PPP3CA: variants seen among roughly 807,000 people sequenced by gnomAD.
PPP3CA encodes CAM-PRP catalytic subunit.
A neutral mutation model predicts 66.5 loss-of-function variants in PPP3CA; 14 were observed. That is an observed-to-expected ratio of 0.21 (90% CI 0.14 to 0.33). PPP3CA has a LOEUF of 0.33. Among genes scored for constraint, PPP3CA ranks in the 10% least tolerant of loss-of-function variants. The pLI, the probability that PPP3CA is intolerant of heterozygous loss-of-function variation, is 1.00. For missense variants in PPP3CA, 317 were observed against 639.5 expected, an observed-to-expected ratio of 0.50 and a Z score of 5.44; for synonymous variants, 232 against 226.2, an observed-to-expected ratio of 1.03 and a Z score of -0.23.
intron 1 of PPP3CA, among the ~76,000 whole-genome samples, chr4:101,275,516 C>T (rs1428022527): frequency 6.6e-6 from 1 of 152,136 alleles, no homozygotes; most frequent in African/African-American, 2.4e-5. Flanking sequence ...ATACTACTAC[C>T]GAGCAGAAAT....
intron 7 of PPP3CA, among the ~76,000 whole-genome samples, chr4:101,081,070 A>T (rs1226322979): frequency 6.6e-6 from 1 of 152,154 alleles, no homozygotes; most frequent in African/African-American, 2.4e-5. Flanking sequence ...CAATTATCTG[A>T]TAAATCCACA....
chr4:101,292,060 C>T (rs1341681539), intron 1 of PPP3CA, among the ~76,000 whole-genome samples: 4 of 146,200 alleles, frequency 2.7e-5, no homozygotes, highest in Non-Finnish European at 4.5e-5. Context: ...CCGGGGAGTT[C>T]GAGGCTGCAC....
chr4:101,268,715 A>C (rs1211316977), intron 1 of PPP3CA, among the ~76,000 whole-genome samples: 1 of 152,112 alleles, frequency 6.6e-6, no homozygotes, highest in Non-Finnish European at 1.5e-5. Flanking sequence ...CATTAGGCTT[A>C]ATGTATTAGT....
rs79104164 is a variant in PPP3CA at position 101,237,745 on chromosome 4, G to A, written c.59-41629C>T. Among the ~76,000 whole-genome samples the A allele has an allele frequency of 1.2e-3, 181 of 152,178 alleles. 1 individual carries two copies. Among genetic ancestry groups the A allele is most frequent in the African/African-American group, 4.3e-3 (178 of 41,536 alleles). Reference sequence around the variant, plus strand: ...CCCAGCAAAGTCTGATACTTGGGGGGCAACTGCAGCAGATGCTGTGGGGCA... The same window carrying A: ...CCCAGCAAAGTCTGATACTTGGGGGACAACTGCAGCAGATGCTGTGGGGCA... On this transcript the variant is annotated intron_variant, in intron 1 of 13. Coordinates refer to ENST00000394854, the MANE Select transcript of PPP3CA (RefSeq NM_000944.5).
chr4:101,294,153 G>A (rs1236424007), intron 1 of PPP3CA, among the ~76,000 whole-genome samples: 1 of 152,230 alleles, frequency 6.6e-6, no homozygotes, highest in African/African-American at 2.4e-5. Context: ...GTGGAATGGA[G>A]ATGGTGGCTG....
chr4:101,184,499 A>G (rs1724344701), intron 2 of PPP3CA, among the ~76,000 whole-genome samples: 1 of 152,228 alleles, frequency 6.6e-6, no homozygotes. Context: ...TAAAAGACTT[A>G]GTAAAAAAAA....
At chr4:101,323,799 C>G (rs975645882) in intron 1 of PPP3CA, among the ~76,000 whole-genome samples, 1 of 152,080 alleles carries the variant, frequency 6.6e-6, no homozygotes, top group Non-Finnish European at 1.5e-5. Context: ...GCTGCTATTA[C>G]CGTGTTTTAA....
chr4:101,094,655 T>A (rs1270575180), intron 5 of PPP3CA, among the ~76,000 whole-genome samples: 2 of 152,186 alleles, frequency 1.3e-5, no homozygotes, highest in Non-Finnish European at 2.9e-5. Context: ...TAATTTTACC[T>A]GAAGCCTTCA....
intron 1 of PPP3CA, among the ~76,000 whole-genome samples, chr4:101,207,065 T>G (rs549955741): frequency 1.7e-4 from 26 of 152,232 alleles, no homozygotes; most frequent in Non-Finnish European, 3.5e-4. Context: ...ATTGCAAACA[T>G]TTTGAAAAAC....
chr4:101,289,831 C>T (rs1727962084), intron 1 of PPP3CA, among the ~76,000 whole-genome samples: 1 of 150,810 alleles, frequency 6.6e-6, no homozygotes, highest in South Asian at 2.1e-4. Context: ...GTTATATATT[C>T]AATTTAACAA....
intron 1 of PPP3CA, among the ~76,000 whole-genome samples, chr4:101,263,941 T>G (rs953170922): frequency 6.6e-6 from 1 of 152,178 alleles, no homozygotes; most frequent in African/African-American, 2.4e-5. Flanking sequence ...TCATGTCAGT[T>G]AGGTTGACAG....
intron 9 of PPP3CA, among the ~76,000 whole-genome samples, chr4:101,062,613 T>C (rs938877343): frequency 6.6e-6 from 1 of 151,896 alleles, no homozygotes; most frequent in African/African-American, 2.4e-5. Context: ...AGTCAACATA[T>C]GAAAGCAAAA....
intron 6 of PPP3CA, among the ~76,000 whole-genome samples, chr4:101,092,588 C>G (rs922681836): frequency 2.0e-5 from 3 of 151,902 alleles, no homozygotes; most frequent in African/African-American, 7.3e-5. Context: ...CTTCCCCTAG[C>G]CCCCCACCCC....
chr4:101,065,835 T>C (rs1010947199), intron 8 of PPP3CA, among the ~76,000 whole-genome samples: 11 of 152,144 alleles, frequency 7.2e-5, no homozygotes, highest in African/African-American at 2.7e-4. Context: ...GTAAGTCTCA[T>C]CCAATAGATA....
chr4:101,289,324 T>C (rs1046800379), intron 1 of PPP3CA, among the ~76,000 whole-genome samples: 1 of 152,254 alleles, frequency 6.6e-6, no homozygotes, highest in Non-Finnish European at 1.5e-5. Flanking sequence ...TTCCACATGC[T>C]CCACATATTT....
At chr4:101,180,333 T>C (rs1393126394) in intron 2 of PPP3CA, among the ~76,000 whole-genome samples, 1 of 151,970 alleles carries the variant, frequency 6.6e-6, no homozygotes, top group Non-Finnish European at 1.5e-5. Flanking sequence ...GATCTAAGAA[T>C]TGGTAAAAAG....
At chr4:101,146,447 CTT>C (rs906744174) in intron 2 of PPP3CA, among the ~76,000 whole-genome samples, 5 of 145,120 alleles carry the variant, frequency 3.4e-5, no homozygotes, top group African/African-American at 2.5e-5. Flanking sequence ...GAAAGAACCA[CTT>C]TTTTTTTTTT....
chr4:101,169,968 A>G (rs890611419), intron 2 of PPP3CA, among the ~76,000 whole-genome samples: 16 of 152,188 alleles, frequency 1.1e-4, no homozygotes, highest in African/African-American at 3.9e-4. Flanking sequence ...GCTAATTATC[A>G]GGCAAGGCCC....
At chr4:101,160,817 T>C (rs937644192) in intron 2 of PPP3CA, among the ~76,000 whole-genome samples, 1 of 152,126 alleles carries the variant, frequency 6.6e-6, no homozygotes, top group African/African-American at 2.4e-5. Context: ...AAATTGGTAA[T>C]AAGGGGCTAG....
Sources: gnomAD v4.1 joint callset for allele counts (sites outside exome capture counted in the v4.1 genomes callset) on GRCh38, gnomAD v4.1.1 for gene constraint, MANE v1.5 for transcripts, NCBI Gene and HGNC (gene_info 2026-07-23, HGNC 2026-07-21) for gene names.